Variants in IQCM observed in about 807,000 individuals in gnomAD.
IQCM encodes the protein IQ motif containing M, also known as IQ domain-containing protein M.
Under a neutral mutation model 57.6 loss-of-function variants are expected in IQCM, and 45 were observed. The observed-to-expected ratio is 0.78, with a 90% CI of 0.62 to 1.00. The LOEUF (loss-of-function observed/expected upper bound fraction) is 1.00. Ranked by LOEUF, IQCM falls within the 50% of genes least tolerant of loss-of-function variation. IQCM has a pLI of 0.00. For missense variants in IQCM, 468 were observed against 511.6 expected, an observed-to-expected ratio of 0.91 and a Z score of 0.82; for synonymous variants, 148 against 158.9, an observed-to-expected ratio of 0.93 and a Z score of 0.51.
intron 12 of IQCM, among the ~76,000 whole-genome samples, chr4:149,446,667 A>G (rs1736544526): frequency 6.6e-6 from 1 of 151,618 alleles, no homozygotes; most frequent in Non-Finnish European, 1.5e-5. Context: ...TTTCAGGTTA[A>G]AAATTCAAAT....
At chr4:149,536,727 C>A (rs962023540) in intron 12 of IQCM, among the ~76,000 whole-genome samples, 3 of 151,986 alleles carry the variant, frequency 2.0e-5, no homozygotes, top group East Asian at 1.9e-4. Flanking sequence ...TATTTACAAA[C>A]AATTTCATCC....
intron 12 of IQCM, among the ~76,000 whole-genome samples, chr4:149,500,696 T>A (rs572694558): frequency 6.6e-6 from 1 of 152,152 alleles, no homozygotes; most frequent in African/African-American, 2.4e-5. Context: ...ATGGCTTGTA[T>A]ATATTTAGGA....
intron 6 of IQCM, among the ~76,000 whole-genome samples, chr4:149,684,111 G>A (rs1173224904): frequency 1.3e-5 from 2 of 151,202 alleles, no homozygotes; most frequent in African/African-American, 2.4e-5. Flanking sequence ...TTTTGTTGAT[G>A]GGAAATTAAA....
chr4:149,792,532 G>A (rs1772731109), intron 2 of IQCM, among the ~76,000 whole-genome samples: 1 of 152,228 alleles, frequency 6.6e-6, no homozygotes, highest in African/African-American at 2.4e-5. Context: ...AGGAAAGTTA[G>A]ACAGCCAGGG....
intron 12 of IQCM, among the ~76,000 whole-genome samples, chr4:149,520,421 T>G (rs982591573): frequency 2.0e-5 from 3 of 152,120 alleles, no homozygotes; most frequent in Non-Finnish European, 4.4e-5. Flanking sequence ...GGCTTGTCCT[T>G]TAATTCTCAA....
At chr4:149,696,817 A>G (rs1409776772) in intron 5 of IQCM, among the ~76,000 whole-genome samples, 1 of 152,114 alleles carries the variant, frequency 6.6e-6, no homozygotes, top group African/African-American at 2.4e-5. Context: ...AAGATAAACT[A>G]CTATGTACAT....
At chr4:149,569,113 G>A (rs1022904399) in intron 9 of IQCM, among the ~76,000 whole-genome samples, 4 of 152,204 alleles carry the variant, frequency 2.6e-5, no homozygotes, top group African/African-American at 9.6e-5. Context: ...ACATGGGGAA[G>A]AGAGAAGTTG....
intron 12 of IQCM, among the ~76,000 whole-genome samples, chr4:149,444,592 G>A (rs1408981668): frequency 2.0e-5 from 3 of 151,682 alleles, no homozygotes; most frequent in African/African-American, 7.3e-5. Flanking sequence ...AGGATAACAA[G>A]CTTAAAGGAT....
At chr4:149,714,357 C>T (rs115454473) in intron 5 of IQCM, among the ~76,000 whole-genome samples, 1,764 of 152,280 alleles carry the variant, frequency 0.012, 39 homozygotes, top group African/African-American at 0.04. Context: ...AACTCCCTCC[C>T]ATGATTATAT....
intron 7 of IQCM, among the ~76,000 whole-genome samples, chr4:149,635,539 A>C (rs551128602): frequency 6.6e-6 from 1 of 152,348 alleles, no homozygotes; most frequent in South Asian, 2.1e-4. Flanking sequence ...ATGAATGTTA[A>C]GCTATTAGAA....
intron 12 of IQCM, among the ~76,000 whole-genome samples, chr4:149,493,514 T>C (rs981497904): frequency 6.6e-6 from 1 of 152,050 alleles, no homozygotes; most frequent in African/African-American, 2.4e-5. Context: ...TAGCATATAT[T>C]ATCTCCCCAA....
intron 7 of IQCM, among the ~76,000 whole-genome samples, chr4:149,631,257 T>C (rs1757241074): frequency 6.6e-6 from 1 of 152,180 alleles, no homozygotes; most frequent in Non-Finnish European, 1.5e-5. Flanking sequence ...CGGTTTCCTG[T>C]GGATTTCAAT....
chr4:149,628,400 G>A (rs1756991025), intron 7 of IQCM, among the ~76,000 whole-genome samples: 1 of 152,070 alleles, frequency 6.6e-6, no homozygotes, highest in African/African-American at 2.4e-5. Context: ...AACCAAAAAT[G>A]TAATGGCAGA....
At chr4:149,436,694 T>C (rs1054545343) in intron 12 of IQCM, among the ~76,000 whole-genome samples, 1 of 152,128 alleles carries the variant, frequency 6.6e-6, no homozygotes, top group African/African-American at 2.4e-5. Flanking sequence ...ATATTAATAA[T>C]TTTTGCTGTT....
At chr4:149,623,672 A>C (rs1006301963) in intron 7 of IQCM, among the ~76,000 whole-genome samples, 1 of 152,142 alleles carries the variant, frequency 6.6e-6, no homozygotes, top group African/African-American at 2.4e-5. Context: ...TGGAGTCAAC[A>C]ATCTTCACAG....
chr4:149,658,817 G>A (rs987390206), intron 7 of IQCM, among the ~76,000 whole-genome samples: 1 of 151,906 alleles, frequency 6.6e-6, no homozygotes, highest in Non-Finnish European at 1.5e-5. Context: ...ATTTTTGTAT[G>A]TTGATTTTGT....
At chr4:149,659,431 A>G (rs1317576700) in intron 7 of IQCM, among the ~76,000 whole-genome samples, 2 of 152,172 alleles carry the variant, frequency 1.3e-5, no homozygotes, top group African/African-American at 4.8e-5. Context: ...ATTCAATGCC[A>G]TCTCCATCAA....
At chr4:149,686,817 CAA>C (rs1377806912) in intron 5 of IQCM, among the ~76,000 whole-genome samples, 1 of 151,446 alleles carries the variant, frequency 6.6e-6, no homozygotes, top group Non-Finnish European at 1.5e-5. Context: ...ATTATCATCA[CAA>C]AGCTTAGTTC....
intron 12 of IQCM, among the ~76,000 whole-genome samples, chr4:149,476,666 G>GA (rs1479190455): frequency 3.9e-5 from 6 of 152,116 alleles, no homozygotes; most frequent in Non-Finnish European, 5.9e-5. Flanking sequence ...AAAGGTAGAG[G>GA]AGGCTGGATC....
Sources: gnomAD v4.1 joint callset for allele counts (sites outside exome capture counted in the v4.1 genomes callset) on GRCh38, gnomAD v4.1.1 for gene constraint, MANE v1.5 for transcripts, NCBI Gene and HGNC (gene_info 2026-07-23, HGNC 2026-07-21) for gene names.